Variants in SLC24A3 observed in about 807,000 individuals in gnomAD.
SLC24A3 encodes solute carrier family 24 member 3.
A neutral mutation model predicts 75.8 loss-of-function variants in SLC24A3; 28 were observed. The ratio of observed to expected loss-of-function variants is 0.37; its 90% CI spans 0.27 to 0.51. The LOEUF is 0.51. Ranked by LOEUF, SLC24A3 falls within the 20% of genes least tolerant of loss-of-function variation. SLC24A3 has a pLI of 0.94. For synonymous variants in SLC24A3, 372 were observed against 334.1 expected, an observed-to-expected ratio of 1.11 and a Z score of -1.24; for missense variants, 663 against 847.8, an observed-to-expected ratio of 0.78 and a Z score of 2.71.
At chr20:19,356,318 A>G (rs987273160) in intron 2 of SLC24A3, among the ~76,000 whole-genome samples, 1 of 152,182 alleles carries the variant, frequency 6.6e-6, no homozygotes, top group African/African-American at 2.4e-5. Flanking sequence ...GGCAACTACT[A>G]ACTAGAATTG....
chr20:19,615,175 A>AT (rs2031721700), intron 6 of SLC24A3, among the ~76,000 whole-genome samples: 1 of 152,112 alleles, frequency 6.6e-6, no homozygotes, highest in Admixed American at 6.5e-5. Flanking sequence ...GTCATTTAAA[A>AT]ATATATATAT....
rs2030567495 is a variant in SLC24A3 at position 19,545,206 on chromosome 20, G to A, written c.348+29642G>A. On this transcript the variant is annotated intron_variant, in intron 3 of 16. Transcript: ENST00000328041. ...ATATACTCACAGTGTGGGTGAGAAGGCAGCACATAAGTACATGCAATTATC... is the reference window on the plus strand; with the variant it reads ...ATATACTCACAGTGTGGGTGAGAAGACAGCACATAAGTACATGCAATTATC... 2.6e-5 allele frequency among the ~76,000 whole-genome samples: 4 copies of A among 152,210 alleles called. No homozygotes were observed. In the South Asian group the frequency reaches 8.3e-4, roughly 31 times the overall value.
At chr20:19,328,049 G>A (rs1984911868) in intron 2 of SLC24A3, among the ~76,000 whole-genome samples, 1 of 152,150 alleles carries the variant, frequency 6.6e-6, no homozygotes, top group South Asian at 2.1e-4. Flanking sequence ...GCTTTTTAAG[G>A]CCAAGGTTGA....
intron 15 of SLC24A3, among the ~76,000 whole-genome samples, chr20:19,710,679 A>C (rs1481967846): frequency 6.6e-6 from 1 of 152,232 alleles, no homozygotes; most frequent in African/African-American, 2.4e-5. Context: ...TCCAAAGGTC[A>C]TTCACGGATG....
chr20:19,655,799 C>A (rs2032259114), intron 7 of SLC24A3, among the ~76,000 whole-genome samples: 1 of 152,126 alleles, frequency 6.6e-6, no homozygotes, highest in South Asian at 2.1e-4. Flanking sequence ...GTTCTCAGGC[C>A]TTCGGGCTTA....
At chr20:19,278,507 G>A (rs1006886451) in intron 1 of SLC24A3, among the ~76,000 whole-genome samples, 4 of 152,112 alleles carry the variant, frequency 2.6e-5, no homozygotes, top group Non-Finnish European at 5.9e-5. Context: ...TGATAATATG[G>A]GAGTTTAAGG....
intron 1 of SLC24A3, among the ~76,000 whole-genome samples, chr20:19,246,965 G>C (rs544411000): frequency 1.3e-5 from 2 of 152,286 alleles, no homozygotes; most frequent in South Asian, 4.1e-4. Context: ...GAACAGGCAA[G>C]AGTGATCATT....
At chr20:19,341,137 G>A (rs1985263377) in intron 2 of SLC24A3, among the ~76,000 whole-genome samples, 1 of 152,246 alleles carries the variant, frequency 6.6e-6, no homozygotes, top group African/African-American at 2.4e-5. Context: ...TAATTGGTCT[G>A]GGATGTGGTC....
chr20:19,377,946 G>A (rs1986114225), intron 2 of SLC24A3, among the ~76,000 whole-genome samples: 1 of 152,200 alleles, frequency 6.6e-6, no homozygotes, highest in African/African-American at 2.4e-5. Flanking sequence ...TCATTTATGT[G>A]TCTTCTGTGG....
intron 2 of SLC24A3, among the ~76,000 whole-genome samples, chr20:19,466,571 G>A (rs1290483379): frequency 6.6e-6 from 1 of 152,214 alleles, no homozygotes; most frequent in African/African-American, 2.4e-5. Context: ...CGCTGATTAG[G>A]AACAAATGTC....
At chr20:19,253,442 A>G (rs1982721797) in intron 1 of SLC24A3, among the ~76,000 whole-genome samples, 1 of 152,022 alleles carries the variant, frequency 6.6e-6, no homozygotes, top group Admixed American at 6.5e-5. Flanking sequence ...TGAGCAGTCA[A>G]ATTGGAATCC....
chr20:19,302,762 G>A (rs1261992069), intron 2 of SLC24A3, among the ~76,000 whole-genome samples: 1 of 152,150 alleles, frequency 6.6e-6, no homozygotes, highest in African/African-American at 2.4e-5. Context: ...TGAGATCTAT[G>A]TGTATACTCT....
At chr20:19,325,280 A>AATC (rs1984812214) in intron 2 of SLC24A3, among the ~76,000 whole-genome samples, 1 of 151,170 alleles carries the variant, frequency 6.6e-6, no homozygotes, top group Non-Finnish European at 1.5e-5. Flanking sequence ...TAATAATAAT[A>AATC]ATAATATTAA....
chr20:19,353,179 C>T (rs944087832), intron 2 of SLC24A3, among the ~76,000 whole-genome samples: 1 of 152,148 alleles, frequency 6.6e-6, no homozygotes, highest in Non-Finnish European at 1.5e-5. Flanking sequence ...TCAAAAGATG[C>T]ATTTTTCAGA....
At chr20:19,425,865 C>T (rs985269584) in intron 2 of SLC24A3, among the ~76,000 whole-genome samples, 4 of 152,158 alleles carry the variant, frequency 2.6e-5, no homozygotes, top group Admixed American at 6.5e-5. Context: ...CCAGTGGTTG[C>T]TCCTTCAAGC....
chr20:19,413,106 C>A (rs1207680798), intron 2 of SLC24A3, among the ~76,000 whole-genome samples: 3 of 152,144 alleles, frequency 2.0e-5, no homozygotes, highest in Non-Finnish European at 2.9e-5. Context: ...AGCCCTTTTG[C>A]CTTTGGGCTA....
intron 2 of SLC24A3, among the ~76,000 whole-genome samples, chr20:19,511,915 T>C (rs2029892831): frequency 6.6e-6 from 1 of 152,144 alleles, no homozygotes; most frequent in African/African-American, 2.4e-5. Flanking sequence ...AGACTCTTTG[T>C]TTTTCTTGAA....
rs140864804 is a variant in SLC24A3, at chr20:19,681,865, G to A, written c.775G>A (p.Ala259Thr). The A allele has an allele frequency of 3.5e-5, 56 of 1,614,076 alleles. No homozygotes were observed. In the African/African-American group the frequency reaches 4.1e-4, roughly 12 times the overall value. ...LIYIVIMKYNACIHQCFERRT... is the reference protein window; with the variant it reads ...LIYIVIMKYNTCIHQCFERRT... The stretch of plus-strand genomic sequence containing the variant: ...ACTTGTCGCTTTGCTCAGATATAAC[G>A]CTTGCATACATCAGTGCTTTGAGAG... The change falls in exon 10 of 17, where the codon GCT (alanine) becomes ACT (threonine). Residue 259 changes from alanine to threonine, a missense_variant. By Grantham distance (58) the Ala-to-Thr change is moderately conservative (BLOSUM62 0). Coordinates refer to ENST00000328041, the MANE Select transcript of SLC24A3 (RefSeq NM_020689.4).
intron 2 of SLC24A3, among the ~76,000 whole-genome samples, chr20:19,353,602 C>A (rs888796349): frequency 3.9e-5 from 6 of 152,210 alleles, no homozygotes; most frequent in African/African-American, 1.4e-4. Flanking sequence ...AAAGAGCTTG[C>A]ATCTTAAAAG....
Sources: gnomAD v4.1 joint callset for allele counts (sites outside exome capture counted in the v4.1 genomes callset) on GRCh38, gnomAD v4.1.1 for gene constraint, MANE v1.5 for transcripts, NCBI Gene and HGNC (gene_info 2026-07-23, HGNC 2026-07-21) for gene names.